Variants in KMT2E observed in about 807,000 individuals in gnomAD.
The protein encoded by KMT2E is lysine methyltransferase 2E (inactive).
A neutral mutation model predicts 184.6 loss-of-function variants in KMT2E; 30 were observed. That is an observed-to-expected ratio of 0.16 (90% CI 0.12 to 0.22). KMT2E has a LOEUF of 0.22. KMT2E is among the 10% of genes least tolerant of loss of function. The probability of loss-of-function intolerance (pLI) is 1.00; values close to 1 mark genes in which losing one functional copy is unlikely to be tolerated. For missense variants in KMT2E, 2,023 were observed against 2,237.4 expected, an observed-to-expected ratio of 0.90 and a Z score of 1.93; for synonymous variants, 815 against 776.5, an observed-to-expected ratio of 1.05 and a Z score of -0.82.
chr7:105,109,189 ATGCTAC>A lies in KMT2E; in HGVS notation c.3722_3727del (p.Thr1241_Ala1242del). On this transcript the variant is annotated inframe_deletion, in exon 23 of 27. Transcript: ENST00000311117. Reference sequence around the variant, plus strand: ...ACTAGCAATAACTGCCCTGTTAAGGATGCTACTGCTAGTGAGAAGAATGAACCAGAA... The same window carrying A: ...ACTAGCAATAACTGCCCTGTTAAGGATGCTAGTGAGAAGAATGAACCAGAA... The A allele has an allele frequency of 3.1e-6, 5 of 1,614,072 alleles. No individual in the cohort carries two copies. The highest frequency in any genetic ancestry group is 3.4e-6 in the Non-Finnish European group (4 of 1,179,976).
chr7:105,088,248 C>A (rs1464972894), intron 13 of KMT2E, among the ~76,000 whole-genome samples: 1 of 152,174 alleles, frequency 6.6e-6, no homozygotes, highest in Admixed American at 6.5e-5. Context: ...AAGAATAATA[C>A]TCACCTAAAG....
chr7:105,042,830 G>A (rs1333871361), intron 3 of KMT2E, among the ~76,000 whole-genome samples: 1 of 152,196 alleles, frequency 6.6e-6, no homozygotes, highest in Non-Finnish European at 1.5e-5. Context: ...ATCTGAAGGA[G>A]TATATTGAGA....
intron 3 of KMT2E, among the ~76,000 whole-genome samples, chr7:105,042,862 C>T (rs981810422): frequency 6.6e-6 from 1 of 152,128 alleles, no homozygotes; most frequent in African/African-American, 2.4e-5. Flanking sequence ...TTTTTTACAC[C>T]TATTAATATA....
At chr7:105,103,788 G>C (rs116156833) in intron 17 of KMT2E, 1 of 149,908 alleles carries the variant, frequency 6.7e-6, no homozygotes, top group East Asian at 1.9e-4. Context: ...ATATACATAT[G>C]CACATTTATA....
At chr7:105,066,249 C>T (rs1263673183) in intron 5 of KMT2E, among the ~76,000 whole-genome samples, 1 of 152,138 alleles carries the variant, frequency 6.6e-6, no homozygotes, top group Non-Finnish European at 1.5e-5. Flanking sequence ...ATTTTAACCT[C>T]CTTCTATTTC....
Position 105,041,620 on chromosome 7 carries a change from C to T in KMT2E, c.71+597C>T, listed in dbSNP as rs184950010. 4.5e-3 allele frequency among the ~76,000 whole-genome samples: 682 copies of T among 152,182 alleles called. 3 individuals are homozygous for T. The highest frequency in any genetic ancestry group is 6.9e-3 in the Non-Finnish European group (469 of 67,992). On this transcript the variant is annotated intron_variant, in intron 3 of 26. Coordinates refer to ENST00000311117, the MANE Select transcript of KMT2E (RefSeq NM_182931.3). Reference sequence around the variant, plus strand: ...TTCATCATTTTGGCTAGGCTGGTCTCGAACTCCTGACCTCGTGATCCACTC... The same window carrying T: ...TTCATCATTTTGGCTAGGCTGGTCTTGAACTCCTGACCTCGTGATCCACTC...
Position 105,041,032 on chromosome 7 carries a change from T to C in KMT2E, c.71+9T>C. 1 of 1,513,824 alleles carries C rather than the reference T, an allele frequency of 6.6e-7. No individual in the cohort carries two copies. Among genetic ancestry groups the C allele is most frequent in the Non-Finnish European group, 9.0e-7 (1 of 1,111,490 alleles). The allele number at this position is 1,513,824 out of a possible 1,614,324, so 93.8% of individuals were successfully genotyped here. A position where few individuals can be genotyped will look rare whatever the true frequency, so the allele number is the denominator to read the frequency against. ...ATGGCTGCAGGTTCAGAGTAAGTAT[T>C]TAAATTGGTTACATAAGCAAAAAAA... is the stretch of plus-strand genomic sequence containing the variant. On this transcript the variant is annotated intron_variant, in intron 3 of 26. Coordinates refer to ENST00000311117, the MANE Select transcript of KMT2E (RefSeq NM_182931.3).
At position 105,114,784 on chromosome 7, in the gene KMT2E, G is replaced by A. The variant is rs1799535812; in HGVS notation, c.*1451G>A. Among the ~76,000 whole-genome samples, 1 of 152,108 alleles carries A rather than the reference G, an allele frequency of 6.6e-6. No individual in the cohort carries two copies. Among genetic ancestry groups the A allele is most frequent in the Admixed American group, 6.6e-5 (1 of 15,266 alleles). ...TCTATTTATTTCCTTTTGAAAATTAGCTAATGATGGTACATTAACGCAGCT... is the reference window on the plus strand; with the variant it reads ...TCTATTTATTTCCTTTTGAAAATTAACTAATGATGGTACATTAACGCAGCT... On this transcript the variant is annotated 3_prime_UTR_variant, in exon 27 of 27. Coordinates refer to ENST00000311117, the MANE Select transcript of KMT2E (RefSeq NM_182931.3).
At chr7:105,082,514 A>G (rs779032426) in intron 13 of KMT2E, among the ~76,000 whole-genome samples, 1 of 152,276 alleles carries the variant, frequency 6.6e-6, no homozygotes, top group African/African-American at 2.4e-5. Context: ...AAGATACAAT[A>G]TATTTACTGT....
At chr7:105,088,594 C>G (rs1484270930) in intron 13 of KMT2E, among the ~76,000 whole-genome samples, 1 of 152,158 alleles carries the variant, frequency 6.6e-6, no homozygotes, top group African/African-American at 2.4e-5. Context: ...TGGCCTGTAT[C>G]ATAGAGATGA....
At chr7:105,095,116 A>G (rs1486675184) in intron 15 of KMT2E, among the ~76,000 whole-genome samples, 2 of 152,186 alleles carry the variant, frequency 1.3e-5, no homozygotes, top group East Asian at 1.9e-4. Context: ...TTAAATGAGA[A>G]TGGAAGATAA....
intron 6 of KMT2E, among the ~76,000 whole-genome samples, 186 bp downstream of exon 6, chr7:105,066,993 G>T (rs1397435374): frequency 2.0e-5 from 3 of 148,662 alleles, no homozygotes; most frequent in Non-Finnish European, 4.4e-5. Context: ...GGAGTTTGAG[G>T]CTGCAGTGAG....
Position 105,105,528 on chromosome 7 carries a change from A to C in KMT2E, c.2286A>C (p.Thr762=). The C allele has an allele frequency of 6.2e-7, 1 of 1,614,060 alleles. No homozygotes were observed. Among genetic ancestry groups the C allele is most frequent in the Non-Finnish European group, 8.5e-7 (1 of 1,179,960 alleles). ...GLSERPLRIT[T]DPEVLATQLN... ...CAGAAAGGCCTCTACGCATAACTAC[A>C]GATCCTGAAGTGTTAGCTACACAAC... is the stretch of plus-strand genomic sequence containing the variant. The change falls in exon 18 of 27, where the codon ACA becomes ACC. Residue 762 remains threonine (T), a synonymous_variant. Transcript: ENST00000311117.
At chr7:105,063,328 T>C (rs1362058475) in intron 4 of KMT2E, 23 bp from the exon 5 acceptor site, 2 of 1,461,888 alleles carry the variant, frequency 1.4e-6, no homozygotes, top group Admixed American at 2.0e-5. Context: ...AATATTGTGC[T>C]ATATTTGTGT....
At chr7:105,103,740 ATGTGTGTGTTTCTG>A (rs999502419) in intron 17 of KMT2E, 2 of 145,786 alleles carry the variant, frequency 1.4e-5, no homozygotes, top group African/African-American at 5.4e-5. Context: ...GATTTTTAAA[ATGTGTGTGTTTCTG>A]TGTGTGTGTG....
intron 3 of KMT2E, among the ~76,000 whole-genome samples, chr7:105,053,956 T>A (rs959223668): frequency 6.6e-6 from 1 of 152,084 alleles, no homozygotes; most frequent in Non-Finnish European, 1.5e-5. Context: ...GCAGATCACC[T>A]GGGGTCGGGA....
In KMT2E at chr7:105,105,576, T is replaced by G; in HGVS notation, c.2334T>G (p.Thr778=). The G allele has an allele frequency of 6.2e-7, 1 of 1,614,094 alleles. No individual in the cohort carries two copies. The highest frequency in any genetic ancestry group is 8.5e-7 in the Non-Finnish European group (1 of 1,179,954). The part of the protein sequence containing the change: ...ATQLNSLPGL[T]YSPHVYSTPK... ...AACTCAATTCTTTACCAGGTCTCAC[T>G]TACAGCCCCCATGTATACTCCACTC... The change falls in exon 18 of 27, where the codon ACT becomes ACG. Residue 778 remains threonine, a synonymous_variant. Transcript: ENST00000311117.
chr7:105,077,959 T>A (rs772392128), intron 11 of KMT2E, among the ~76,000 whole-genome samples: 1 of 152,230 alleles, frequency 6.6e-6, no homozygotes, highest in Non-Finnish European at 1.5e-5. Flanking sequence ...CTTCTTTGGT[T>A]TGAGATTTGT....
intron 3 of KMT2E, among the ~76,000 whole-genome samples, chr7:105,050,735 GTCTT>G (rs954759102): frequency 7.8e-5 from 8 of 102,322 alleles, no homozygotes; most frequent in Non-Finnish European, 1.2e-4. Context: ...CTGTCTTTCT[GTCTT>G]TCTTTCTTTC....
Sources: allele counts gnomAD v4.1 joint callset (sites outside exome capture counted in the v4.1 genomes callset), GRCh38; gene constraint gnomAD v4.1.1; transcripts MANE v1.5; gene names NCBI Gene and HGNC (gene_info 2026-07-23, HGNC 2026-07-21).